TBC1D16: variants seen among roughly 807,000 people sequenced by gnomAD.
TBC1D16 encodes the protein TBC1 domain family member 16.
Under a neutral mutation model 74.7 loss-of-function variants are expected in TBC1D16, and 58 were observed. The observed-to-expected ratio is 0.78, with a 90% CI of 0.63 to 0.97. The LOEUF is 0.97. Among genes scored for constraint, TBC1D16 ranks in the 50% least tolerant of loss-of-function variants. The pLI, the probability that TBC1D16 is intolerant of heterozygous loss-of-function variation, is 0.00. For synonymous variants in TBC1D16, 493 were observed against 474.7 expected (o/e 1.04, Z -0.50); for missense variants, 1,014 against 1,079.5 (o/e 0.94, Z 0.85).
At chr17:79,996,729 T>C (rs1379265520) in intron 3 of TBC1D16, among the ~76,000 whole-genome samples, 1 of 152,086 alleles carries the variant, frequency 6.6e-6, no homozygotes, top group African/African-American at 2.4e-5. Context: ...TTTTACTAGA[T>C]AAAAAACGTA....
chr17:79,948,303 A>G (rs1598328302), intron 8 of TBC1D16, among the ~76,000 whole-genome samples: 1 of 110,360 alleles, frequency 9.1e-6, no homozygotes, highest in Non-Finnish European at 1.8e-5. Context: ...ACAGAGCGAG[A>G]CTCCGTCTCA....
At chr17:79,992,486 G>C (rs1391396256) in intron 3 of TBC1D16, 3 of 152,278 alleles carry the variant, frequency 2.0e-5, no homozygotes, top group Non-Finnish European at 4.4e-5. Context: ...CGCCAGGCTC[G>C]GAGAGAGACC....
In TBC1D16 at chr17:80,013,475, T is replaced by C; in HGVS notation, c.73A>G (p.Ser25Gly). The stretch of plus-strand genomic sequence containing the variant: ...AGGACAGAGGGGGACCCGCTGCCGC[T>C]GCCACCGGGGGTGAGGGTCAGGAGG... ...SDLLTLTPGG[S>G]GSGSPSVLDG... is the part of the protein sequence containing the mutation. Residue 25 changes from serine to glycine, a missense_variant, in exon 2 of 12, where the codon AGC becomes GGC. By Grantham distance (56) the Ser-to-Gly change is moderately conservative. Coordinates refer to ENST00000310924, the MANE Select transcript of TBC1D16 (RefSeq NM_019020.4). The C allele has an allele frequency of 6.3e-7, 1 of 1,594,720 alleles. No individual in the cohort carries two copies.
chr17:79,982,836 G>C (rs1380219872), intron 3 of TBC1D16, among the ~76,000 whole-genome samples: 1 of 152,170 alleles, frequency 6.6e-6, no homozygotes, highest in East Asian at 1.9e-4. Flanking sequence ...TCCAGCCTGG[G>C]CGACAGAGCA....
chr17:79,975,518 A>C lies in TBC1D16; in HGVS notation c.780-22700T>G, dbSNP rs2034294846. Among the ~76,000 whole-genome samples, 1 of 152,164 alleles carries C rather than the reference A, an allele frequency of 6.6e-6. No homozygotes were observed. The highest frequency in any genetic ancestry group is 1.5e-5 in the Non-Finnish European group (1 of 68,028). ...CAAAAAGCTTGCTCAAAAGAATGGG[A>C]CCGGGAGCAACCGCAATGCCCTCTG... On this transcript the variant is annotated intron_variant, in intron 3 of 11. Coordinates refer to ENST00000310924, the MANE Select transcript of TBC1D16 (RefSeq NM_019020.4). The surrounding 1 kb of genome is among the most constrained non-coding windows in gnomAD (Gnocchi z 4.5).
In TBC1D16 at chr17:79,950,939, T is replaced by C; in HGVS notation, c.1090-361A>G. The C allele has an allele frequency of 1.6e-6, 2 of 1,257,678 alleles. No homozygotes were observed. The highest frequency in any genetic ancestry group is 2.1e-6 in the Non-Finnish European group (2 of 937,422). 77.9% of individuals were successfully genotyped at this position (1,257,678 alleles called of 1,614,324 possible). A position where few individuals can be genotyped will look rare whatever the true frequency, so the allele number is the denominator to read the frequency against. On this transcript the variant is annotated intron_variant, in intron 5 of 11. Coordinates refer to ENST00000310924, the MANE Select transcript of TBC1D16 (RefSeq NM_019020.4). This position sits in a 1 kb window ranked among gnomAD's most constrained non-coding sequence, Gnocchi z 4.6. Reference sequence around the variant, plus strand: ...TTGGCCACATACAAAGGGATCGCTGTTCTGCGAGCAGGGAGCCAGCCTGTC... The same window carrying C: ...TTGGCCACATACAAAGGGATCGCTGCTCTGCGAGCAGGGAGCCAGCCTGTC...
rs1054822845 is a variant in TBC1D16, at chr17:80,008,258, C to T, written c.779+1902G>A. 2.6e-5 allele frequency among the ~76,000 whole-genome samples: 4 copies of T among 152,156 alleles called. No individual in the cohort carries two copies. The highest frequency in any genetic ancestry group is 5.9e-5 in the Non-Finnish European group (4 of 68,040). Reference sequence around the variant, plus strand: ...CCCAGAAAGTGGATATTACCAGCCTCATCTTACAAACAGGGAAACCGAGGC... The same window carrying T: ...CCCAGAAAGTGGATATTACCAGCCTTATCTTACAAACAGGGAAACCGAGGC... On this transcript the variant is annotated intron_variant, in intron 3 of 11. Coordinates refer to ENST00000310924, the MANE Select transcript of TBC1D16 (RefSeq NM_019020.4). This position sits in a 1 kb window ranked among gnomAD's most constrained non-coding sequence, Gnocchi z 4.5.
chr17:80,032,889 C>T (rs1598459135), intron 1 of TBC1D16, among the ~76,000 whole-genome samples: 2 of 152,210 alleles, frequency 1.3e-5, no homozygotes, highest in African/African-American at 4.8e-5. Context: ...CAGGGTCCCT[C>T]AGCCAGGGAA....
chr17:79,967,200 G>GC (rs1368641943), intron 3 of TBC1D16, among the ~76,000 whole-genome samples: 1 of 152,138 alleles, frequency 6.6e-6, no homozygotes, highest in Non-Finnish European at 1.5e-5. Flanking sequence ...CCTTGTGCTG[G>GC]AAGGTCTACC....
At position 79,981,832 on chromosome 17, in the gene TBC1D16, C is replaced by A. The variant is rs75007162; in HGVS notation, c.779+28328G>T. On this transcript the variant is annotated intron_variant, in intron 3 of 11. Transcript: ENST00000310924. The surrounding 1 kb of genome is among the most constrained non-coding windows in gnomAD (Gnocchi z 6.9). ...ACATCCGTCCCTGCAGCAGCAGCCT[C>A]GGCCCAACCTCAATCCCACTCCTCC... Among the ~76,000 whole-genome samples the A allele has an allele frequency of 6.6e-5, 10 of 152,238 alleles. No individual in the cohort carries two copies. Among genetic ancestry groups the A allele is most frequent in the African/African-American group, 2.4e-4 (10 of 41,464 alleles).
chr17:80,010,112 A>G lies in TBC1D16; in HGVS notation c.779+48T>C. On this transcript the variant is annotated intron_variant, in intron 3 of 11. Transcript: ENST00000310924. The surrounding 1 kb of genome is among the most constrained non-coding windows in gnomAD (Gnocchi z 8.8). ...CAGGTGAGTGCTTCCTGCCCAGGTCAGGCCTTGGGGGCCTCCCGAGAGCCC... is the reference window on the plus strand; with the variant it reads ...CAGGTGAGTGCTTCCTGCCCAGGTCGGGCCTTGGGGGCCTCCCGAGAGCCC... 1 of 1,493,144 alleles carries G rather than the reference A, an allele frequency of 6.7e-7. No individual in the cohort carries two copies. The highest frequency in any genetic ancestry group is 1.4e-5 in the African/African-American group (1 of 72,046). The allele number at this position is 1,493,144 out of a possible 1,614,324, so 92.5% of individuals were successfully genotyped here.
At chr17:79,942,578 C>A in intron 10 of TBC1D16, among the ~76,000 whole-genome samples, 1 of 151,534 alleles carries the variant, frequency 6.6e-6, no homozygotes, top group African/African-American at 2.4e-5. Context: ...GGCCTGTGCT[C>A]ATGGGGAGGA....
rs747948133 is a variant in TBC1D16 at position 79,983,008 on chromosome 17, G to A, written c.779+27152C>T. On this transcript the variant is annotated intron_variant, in intron 3 of 11. Transcript: ENST00000310924. The surrounding 1 kb of genome is among the most constrained non-coding windows in gnomAD (Gnocchi z 5.6). ...GAACCTGCGTCATCCACGTTTGTGC[G>A]GAATCCCTGTGTGTGTGCACACGCA... Among the ~76,000 whole-genome samples, 4 of 152,192 alleles carry A rather than the reference G, an allele frequency of 2.6e-5. No homozygotes were observed. Among genetic ancestry groups the A allele is most frequent in the Non-Finnish European group, 5.9e-5 (4 of 68,024 alleles).
In TBC1D16 at chr17:79,954,322, G is replaced by A. The variant is rs1159259728; in HGVS notation, c.780-1504C>T. Among the ~76,000 whole-genome samples the A allele has an allele frequency of 2.6e-5, 4 of 152,296 alleles. No homozygotes were observed. Among genetic ancestry groups the A allele is most frequent in the Admixed American group, 2.6e-4 (4 of 15,300 alleles). ...TTCCAGCACAATCCCTCCCCACTGG[G>A]AACTTCACACAGAGAAACCTGACTG... is the stretch of plus-strand genomic sequence containing the variant. On this transcript the variant is annotated intron_variant, in intron 3 of 11. Coordinates refer to ENST00000310924, the MANE Select transcript of TBC1D16 (RefSeq NM_019020.4). The surrounding 1 kb of genome is among the most constrained non-coding windows in gnomAD (Gnocchi z 5.5).
rs1012134017 is a variant in TBC1D16, at chr17:79,937,308, CAA to C, written c.*3549_*3550del. 4 of 74,874 alleles carry C rather than the reference CAA, an allele frequency of 5.3e-5. No homozygotes were observed. The highest frequency in any genetic ancestry group is 1.6e-4 in the African/African-American group (4 of 25,030). The allele number at this position is 74,874 out of a possible 1,614,324, so 4.6% of individuals were successfully genotyped here. A position where few individuals can be genotyped will look rare whatever the true frequency, so the allele number is the denominator to read the frequency against. ...CCCCACCTCTATTCCCTGTGGCCTC[CAA>C]AAGAGCTGGGCAACCTCTGCCAGCC... On this transcript the variant is annotated 3_prime_UTR_variant, in exon 12 of 12. Coordinates refer to ENST00000310924, the MANE Select transcript of TBC1D16 (RefSeq NM_019020.4).
Position 79,937,374 on chromosome 17 carries a change from C to G in TBC1D16, c.*3485G>C, listed in dbSNP as rs1205628828. On this transcript the variant is annotated 3_prime_UTR_variant, in exon 12 of 12. Coordinates refer to ENST00000310924, the MANE Select transcript of TBC1D16 (RefSeq NM_019020.4). ...CCAAGGGGAGTCCTCATTCCAGAGC[C>G]AGCATCTTCATCTTGTCCTGATGCC... 9.8e-6 allele frequency: 1 copy of G among 101,688 alleles called. No homozygotes were observed. Among genetic ancestry groups the G allele is most frequent in the African/African-American group, 3.3e-5 (1 of 30,656 alleles). The allele number at this position is 101,688 out of a possible 1,614,324, so 6.3% of individuals were successfully genotyped here.
chr17:80,035,588 T>C lies in TBC1D16; in HGVS notation c.-63+207A>G, dbSNP rs907763232. Among the ~76,000 whole-genome samples, 32 of 151,672 alleles carry C rather than the reference T, an allele frequency of 2.1e-4. No individual in the cohort carries two copies. The highest frequency in any genetic ancestry group is 7.7e-4 in the African/African-American group (32 of 41,330). ...AGGTGCCCCTCCGTGATCCAGGTCC[T>C]CCCACAACGCTCCCGCTCCTGCTGG... is the stretch of plus-strand genomic sequence containing the variant. On this transcript the variant is annotated intron_variant, in intron 1 of 11. Coordinates refer to ENST00000310924, the MANE Select transcript of TBC1D16 (RefSeq NM_019020.4). This position sits in a 1 kb window ranked among gnomAD's most constrained non-coding sequence, Gnocchi z 5.3.
At chr17:79,998,531 T>C (rs572234942) in intron 3 of TBC1D16, among the ~76,000 whole-genome samples, 300 of 150,098 alleles carry the variant, frequency 2.0e-3, no homozygotes, top group African/African-American at 6.7e-3. Context: ...TTTTTTTTTT[T>C]TGTAGAGACA....
rs1055127663 is a variant in TBC1D16 at position 79,993,591 on chromosome 17, A to G, written c.779+16569T>C. On this transcript the variant is annotated intron_variant, in intron 3 of 11. Coordinates refer to ENST00000310924, the MANE Select transcript of TBC1D16 (RefSeq NM_019020.4). This position sits in a 1 kb window ranked among gnomAD's most constrained non-coding sequence, Gnocchi z 5.1. ...GCAAGACAAAAGGTCCTTTGCCCCC[A>G]CTACCTGCAACTTTCAGGGAAGATT... is the stretch of plus-strand genomic sequence containing the variant. 1 of 152,256 alleles carries G rather than the reference A, an allele frequency of 6.6e-6. No individual in the cohort carries two copies. Among genetic ancestry groups the G allele is most frequent in the African/African-American group, 2.4e-5 (1 of 41,456 alleles). The allele number at this position is 152,256 out of a possible 1,614,324, so 9.4% of individuals were successfully genotyped here. A position where few individuals can be genotyped will look rare whatever the true frequency, so the allele number is the denominator to read the frequency against.
Sources: allele counts gnomAD v4.1 joint callset (sites outside exome capture counted in the v4.1 genomes callset), GRCh38; gene constraint gnomAD v4.1.1; non-coding constraint Gnocchi (gnomAD v3.1); transcripts MANE v1.5; gene names NCBI Gene and HGNC (gene_info 2026-07-23, HGNC 2026-07-21).